Variants in SLC4A10 observed in about 807,000 individuals in gnomAD.
SLC4A10 encodes solute carrier family 4 member 10.
SLC4A10 carries 42 observed loss-of-function variants against 137.7 expected under a neutral mutation model. The ratio of observed to expected loss-of-function variants is 0.30; its 90% CI spans 0.24 to 0.39. The LOEUF (loss-of-function observed/expected upper bound fraction) is 0.39, where lower values mean the gene tolerates loss of function less well. SLC4A10 is among the 10% of genes least tolerant of loss of function. The pLI is 1.00. For synonymous variants in SLC4A10, 474 were observed against 464.1 expected, an observed-to-expected ratio of 1.02 and a Z score of -0.27; for missense variants, 925 against 1,355.0, an observed-to-expected ratio of 0.68 and a Z score of 4.98.
chr2:161,732,134 T>A (rs1026077009), intron 1 of SLC4A10, among the ~76,000 whole-genome samples: 5 of 152,118 alleles, frequency 3.3e-5, no homozygotes, highest in Admixed American at 2.0e-4. Flanking sequence ...CTTATCCCTG[T>A]TTTTTGGAGT....
intron 15 of SLC4A10, among the ~76,000 whole-genome samples, chr2:161,938,186 G>T (rs141164517): frequency 0.02 from 3,053 of 152,238 alleles, 58 homozygotes; most frequent in Non-Finnish European, 0.031. Flanking sequence ...CACGAGAATC[G>T]CTTGAACCTG....
intron 1 of SLC4A10, among the ~76,000 whole-genome samples, chr2:161,637,113 ATATATATC>A (rs2034554803): frequency 8.0e-6 from 1 of 125,204 alleles, no homozygotes; most frequent in African/African-American, 2.8e-5. Context: ...GTATTTATGT[ATATATATC>A]TATATACATA....
At chr2:161,774,669 C>T (rs2052095206) in intron 2 of SLC4A10, among the ~76,000 whole-genome samples, 1 of 151,826 alleles carries the variant, frequency 6.6e-6, no homozygotes, top group South Asian at 2.1e-4. Flanking sequence ...AAGCCTAGCC[C>T]CCTTGCCTCA....
chr2:161,791,739 C>A (rs943615610), intron 2 of SLC4A10, among the ~76,000 whole-genome samples: 3 of 152,144 alleles, frequency 2.0e-5, no homozygotes, highest in African/African-American at 7.2e-5. Flanking sequence ...TGACTCACAT[C>A]AATTCATTTT....
chr2:161,922,155 A>G (rs1048455773), intron 15 of SLC4A10, among the ~76,000 whole-genome samples: 1 of 152,186 alleles, frequency 6.6e-6, no homozygotes, highest in East Asian at 1.9e-4. Flanking sequence ...CCAAACTTAT[A>G]TATTTAGAGG....
chr2:161,758,803 A>G (rs1044388372), intron 1 of SLC4A10, among the ~76,000 whole-genome samples: 5 of 151,960 alleles, frequency 3.3e-5, no homozygotes, highest in Admixed American at 1.3e-4. Context: ...CTACCAGTCC[A>G]TAGTATGTAA....
chr2:161,735,775 T>C (rs1379600405), intron 1 of SLC4A10, among the ~76,000 whole-genome samples: 2 of 152,158 alleles, frequency 1.3e-5, no homozygotes, highest in African/African-American at 4.8e-5. Context: ...ATCAAAGCAC[T>C]GAGGACATGT....
At chr2:161,875,280 A>C (rs2125937145) in intron 8 of SLC4A10, among the ~76,000 whole-genome samples, 1 of 152,214 alleles carries the variant, frequency 6.6e-6, no homozygotes, top group South Asian at 2.1e-4. Context: ...TTTAGTAGTG[A>C]ATTTATCAGA....
intron 2 of SLC4A10, among the ~76,000 whole-genome samples, chr2:161,792,402 A>G (rs906479830): frequency 2.0e-5 from 3 of 152,278 alleles, no homozygotes; most frequent in African/African-American, 7.2e-5. Context: ...TTTACCACAT[A>G]GATTTATATT....
rs146977015 is a variant in SLC4A10, at chr2:161,678,589, A to G, written c.48+54023A>G. Among the ~76,000 whole-genome samples, 55 of 152,290 alleles carry G rather than the reference A, an allele frequency of 3.6e-4. No homozygotes were observed. In the East Asian group the frequency reaches 8.3e-3, roughly 23 times the overall value. ...CTGATCAAGGTATACAACTTTTCCA[A>G]TACCAGAGAAGACTCCTCCATGCTT... On this transcript the variant is annotated intron_variant, in intron 1 of 26. Transcript: ENST00000446997.
chr2:161,769,820 T>A (rs560992547), intron 1 of SLC4A10, among the ~76,000 whole-genome samples: 1 of 152,016 alleles, frequency 6.6e-6, no homozygotes, highest in East Asian at 1.9e-4. Flanking sequence ...AACAGTAATT[T>A]CTTTCTTTTC....
At chr2:161,869,919 A>G (rs1054502560) in intron 6 of SLC4A10, among the ~76,000 whole-genome samples, 1 of 151,470 alleles carries the variant, frequency 6.6e-6, no homozygotes, top group African/African-American at 2.4e-5. Context: ...TACATTCTAT[A>G]CACATACCTA....
chr2:161,882,390 G>C lies in SLC4A10; in HGVS notation c.1140G>C (p.Lys380Asn). The change falls in exon 10 of 27, where the codon AAG becomes AAC. Residue 380 changes from lysine to asparagine, a missense_variant. By Grantham distance (94) the Lys-to-Asn change is moderately conservative. Coordinates refer to ENST00000446997, the MANE Select transcript of SLC4A10 (RefSeq NM_001178015.2). ...FLFILLGPLG[K>N]GQQYHEIGRS... ...TCATTCTTCTGGGACCCCTGGGAAA[G>C]GGTCAACAGTACCATGAGATTGGCA... 1.3e-6 allele frequency: 2 copies of C among 1,594,294 alleles called. No individual in the cohort carries two copies. Among genetic ancestry groups the C allele is most frequent in the South Asian group, 1.2e-5 (1 of 86,892 alleles).
At position 161,955,254 on chromosome 2, in the gene SLC4A10, A is replaced by G. The variant is rs183225773; in HGVS notation, c.2542-1735A>G. Among the ~76,000 whole-genome samples the G allele has an allele frequency of 5.4e-3, 826 of 152,280 alleles. 9 individuals carry two copies. Among genetic ancestry groups the G allele is most frequent in the African/African-American group, 0.018 (768 of 41,548 alleles). On this transcript the variant is annotated intron_variant, in intron 19 of 26. Coordinates refer to ENST00000446997, the MANE Select transcript of SLC4A10 (RefSeq NM_001178015.2). ...TTAAAGGGACCAAAATCTGAGTTCT[A>G]TTCTATGGAATTACATCTTCCAAAA...
intron 1 of SLC4A10, among the ~76,000 whole-genome samples, chr2:161,670,090 A>G (rs942696270): frequency 6.6e-6 from 1 of 152,144 alleles, no homozygotes; most frequent in Non-Finnish European, 1.5e-5. Flanking sequence ...GTGAAGATCA[A>G]ATTAATTAAT....
chr2:161,635,734 C>T (rs1449406006), intron 1 of SLC4A10, among the ~76,000 whole-genome samples: 1 of 152,096 alleles, frequency 6.6e-6, no homozygotes, highest in Non-Finnish European at 1.5e-5. Context: ...TTTAATTTTT[C>T]AGTCAGAATT....
chr2:161,731,584 A>C (rs2046828455), intron 1 of SLC4A10, among the ~76,000 whole-genome samples: 1 of 152,190 alleles, frequency 6.6e-6, no homozygotes, highest in African/African-American at 2.4e-5. Flanking sequence ...GTAGGAAAAT[A>C]ATAGATGCTT....
intron 1 of SLC4A10, among the ~76,000 whole-genome samples, chr2:161,700,782 G>T (rs1300548590): frequency 6.6e-6 from 1 of 152,020 alleles, no homozygotes; most frequent in African/African-American, 2.4e-5. Context: ...TAAAAGCTAC[G>T]TTATTGCACT....
chr2:161,952,214 G>A (rs1694923339), intron 19 of SLC4A10, among the ~76,000 whole-genome samples: 1 of 152,144 alleles, frequency 6.6e-6, no homozygotes. Flanking sequence ...GTGTGGAAGT[G>A]AAATGTGTGC....
Sources: allele counts gnomAD v4.1 joint callset (sites outside exome capture counted in the v4.1 genomes callset), GRCh38; gene constraint gnomAD v4.1.1; transcripts MANE v1.5; gene names NCBI Gene and HGNC (gene_info 2026-07-23, HGNC 2026-07-21).